ITGA2: variants seen among roughly 807,000 people sequenced by gnomAD.
ITGA2 encodes the protein integrin alpha-2.
ITGA2 carries 101 observed loss-of-function variants against 146.3 expected under a neutral mutation model. That is an observed-to-expected ratio of 0.69 (90% CI 0.59 to 0.81). The LOEUF (loss-of-function observed/expected upper bound fraction) is 0.81. Among genes scored for constraint, ITGA2 ranks in the 40% least tolerant of loss-of-function variants. ITGA2 has a pLI of 0.00. For missense variants in ITGA2, 1,281 were observed against 1,402.7 expected (o/e 0.91, Z 1.39); for synonymous variants, 477 against 487.1 (o/e 0.98, Z 0.27).
At chr5:53,079,361 G>A (rs2112020028) in intron 24 of ITGA2, among the ~76,000 whole-genome samples, 1 of 152,156 alleles carries the variant, frequency 6.6e-6, no homozygotes, top group Non-Finnish European at 1.5e-5. Context: ...ACTTCTGTTT[G>A]AGTTTACCAT....
intron 27 of ITGA2, among the ~76,000 whole-genome samples, chr5:53,085,501 G>C (rs954041742): frequency 6.6e-6 from 1 of 152,116 alleles, no homozygotes; most frequent in Non-Finnish European, 1.5e-5. Flanking sequence ...TATGAAACCA[G>C]CATTTACTTA....
chr5:53,040,744 C>T (rs3797494), intron 2 of ITGA2, among the ~76,000 whole-genome samples: 56,976 of 151,746 alleles, frequency 0.38, 10,906 homozygotes, highest in Middle Eastern at 0.46. Flanking sequence ...GAGGAGAGAA[C>T]TTATTAATGA....
chr5:53,059,310 T>C (rs563102247), intron 10 of ITGA2, among the ~76,000 whole-genome samples: 1 of 151,906 alleles, frequency 6.6e-6, no homozygotes, highest in South Asian at 2.1e-4. Flanking sequence ...TATTATCAAA[T>C]AGATGGAATA....
chr5:53,061,984 A>G (rs1304890904), intron 12 of ITGA2, among the ~76,000 whole-genome samples: 1 of 151,906 alleles, frequency 6.6e-6, no homozygotes, highest in East Asian at 1.9e-4. Flanking sequence ...TAACAGTGAC[A>G]GTGTTATGGA....
At chr5:53,013,620 A>G (rs1360359872) in intron 1 of ITGA2, among the ~76,000 whole-genome samples, 4 of 151,998 alleles carry the variant, frequency 2.6e-5, no homozygotes, top group Non-Finnish European at 5.9e-5. Context: ...AATTAGAATT[A>G]GTTTTTTCTA....
chr5:53,081,866 T>C (rs529990913), intron 26 of ITGA2, among the ~76,000 whole-genome samples, 170 bp downstream of exon 26: 2 of 152,216 alleles, frequency 1.3e-5, no homozygotes, highest in Non-Finnish European at 2.9e-5. Flanking sequence ...GTAAATACGA[T>C]TTTGAAACCC....
At chr5:53,082,515 A>G (rs537898352) in intron 26 of ITGA2, among the ~76,000 whole-genome samples, 1 of 152,298 alleles carries the variant, frequency 6.6e-6, no homozygotes, top group South Asian at 2.1e-4. Flanking sequence ...TTTTCAATTA[A>G]TGACTTCATT....
At chr5:52,997,533 A>G (rs1245317992) in intron 1 of ITGA2, among the ~76,000 whole-genome samples, 1 of 152,246 alleles carries the variant, frequency 6.6e-6, no homozygotes, top group Non-Finnish European at 1.5e-5. Flanking sequence ...TGTGTTTTGA[A>G]AGGCGAGCAA....
Position 53,072,596 on chromosome 5 carries a change from T to C in ITGA2, c.2347-17T>C. The C allele has an allele frequency of 1.9e-6, 3 of 1,600,782 alleles. No individual in the cohort carries two copies. The highest frequency in any genetic ancestry group is 1.1e-5 in the South Asian group (1 of 90,024). The stretch of plus-strand genomic sequence containing the variant: ...AACCCAAGAGCAAATGTATGGATCT[T>C]TTTTCCTTTTTCGTAGATTCCTTTC... On this transcript the variant is annotated splice_polypyrimidine_tract_variant and intron_variant, in intron 18 of 29. Transcript: ENST00000296585.
intron 1 of ITGA2, among the ~76,000 whole-genome samples, chr5:52,992,720 T>C (rs981911887): frequency 6.6e-6 from 1 of 152,208 alleles, no homozygotes; most frequent in Non-Finnish European, 1.5e-5. Flanking sequence ...TCATTTTCAC[T>C]AATGATATCT....
chr5:53,080,750 A>G, intron 25 of ITGA2, 129 bp downstream of exon 25: 1 of 722,624 alleles, frequency 1.4e-6, no homozygotes, highest in Non-Finnish European at 2.5e-6. Flanking sequence ...CTGGGTGCCA[A>G]CTGACTAGCA....
Position 53,055,669 on chromosome 5 carries a change from T to C in ITGA2, c.911T>C (p.Ile304Thr). Residue 304 changes from isoleucine to threonine, a missense_variant, in exon 8 of 30, where the codon ATA becomes ACA. Around this residue, in one of 3 missense-constraint regions of ITGA2, gnomAD observed 795 missense variants for 841.7 expected, o/e 0.94. Coordinates refer to ENST00000296585, the MANE Select transcript of ITGA2 (RefSeq NM_002203.4). ...ATTGATCAATGCAACCATGACAATA[T>C]ACTGAGGTTTGGCATAGCAGTAAGT... is the stretch of plus-strand genomic sequence containing the variant. ...AVIDQCNHDN[I>T]LRFGIAVLGY... The C allele has an allele frequency of 6.2e-7, 1 of 1,613,270 alleles. No individual in the cohort carries two copies. The highest frequency in any genetic ancestry group is 8.5e-7 in the Non-Finnish European group (1 of 1,179,434).
chr5:53,029,525 C>T (rs1743124814), intron 2 of ITGA2, among the ~76,000 whole-genome samples: 1 of 152,186 alleles, frequency 6.6e-6, no homozygotes, highest in African/African-American at 2.4e-5. Flanking sequence ...TTTCATCTTT[C>T]AGTCTCAGCT....
At chr5:53,016,011 C>T (rs1742384631) in intron 1 of ITGA2, among the ~76,000 whole-genome samples, 1 of 152,174 alleles carries the variant, frequency 6.6e-6, no homozygotes, top group East Asian at 1.9e-4. Flanking sequence ...TTGAAGACAG[C>T]ATACACTCGG....
intron 26 of ITGA2, among the ~76,000 whole-genome samples, chr5:53,081,956 T>C (rs1402998099): frequency 6.6e-6 from 1 of 152,228 alleles, no homozygotes; most frequent in East Asian, 1.9e-4. Context: ...TTACAAAATA[T>C]AAGTTCCAGA....
rs1745058982 is a variant in ITGA2, at chr5:53,064,551, C to CT, written c.1603-355dup. Among the ~76,000 whole-genome samples the CT allele has an allele frequency of 4.6e-5, 7 of 151,796 alleles. No individual in the cohort carries two copies. The South Asian group carries it at 1.5e-3, about 32-fold the overall frequency. On this transcript the variant is annotated intron_variant, in intron 13 of 29. Transcript: ENST00000296585. The stretch of plus-strand genomic sequence containing the variant: ...TTTTTATTTTATCATATTTCTTTCA[C>CT]TTTTTTAAATAGATGGGGACTTGCT...
intron 11 of ITGA2, 58 bp downstream of exon 11, chr5:53,060,070 C>A (rs967101811): frequency 4.4e-6 from 7 of 1,575,854 alleles, no homozygotes; most frequent in Non-Finnish European, 6.1e-6. Flanking sequence ...TAAACCAGCT[C>A]TTTGTTGAAT....
At chr5:53,021,994 A>G (rs1382838429) in intron 1 of ITGA2, among the ~76,000 whole-genome samples, 1 of 152,170 alleles carries the variant, frequency 6.6e-6, no homozygotes, top group Non-Finnish European at 1.5e-5. Context: ...ATATATAGAT[A>G]TGCTCAAATT....
intron 2 of ITGA2, among the ~76,000 whole-genome samples, chr5:53,041,442 A>G (rs529839138): frequency 1.1e-4 from 16 of 152,214 alleles, no homozygotes; most frequent in Admixed American, 3.9e-4. Context: ...GACAGTTAGC[A>G]TAAAGCCACT....
Sources: allele counts gnomAD v4.1 joint callset (sites outside exome capture counted in the v4.1 genomes callset), GRCh38; gene constraint gnomAD v4.1.1; regional missense constraint gnomAD v4.1.1; transcripts MANE v1.5; gene names NCBI Gene and HGNC (gene_info 2026-07-23, HGNC 2026-07-21).